The following VIL1 variants were observed in gnomAD, a reference collection of about 807,000 sequenced individuals.
VIL1 encodes villin 1.
VIL1 carries 86 observed loss-of-function variants against 104.0 expected under a neutral mutation model. That is an observed-to-expected ratio of 0.83 (90% CI 0.69 to 0.99). The LOEUF (loss-of-function observed/expected upper bound fraction) is 0.99. VIL1 is among the 50% of genes least tolerant of loss of function. The pLI is 0.00. For synonymous variants in VIL1, 394 were observed against 412.6 expected (o/e 0.95, Z 0.55); for missense variants, 944 against 1,054.1 (o/e 0.90, Z 1.45).
chr2:218,421,178 G>A (rs532593740), intron 1 of VIL1, among the ~76,000 whole-genome samples: 1 of 152,216 alleles, frequency 6.6e-6, no homozygotes, highest in Middle Eastern at 3.4e-3. Flanking sequence ...GCAGGCGTGG[G>A]GTGAGAGGCA....
chr2:218,430,969 C>T (rs774883851), intron 10 of VIL1, 91 bp downstream of exon 10: 13 of 1,493,360 alleles, frequency 8.7e-6, no homozygotes, highest in African/African-American at 1.4e-5. Context: ...CCTTCCCTGA[C>T]GTGCATCTTC....
In VIL1 at chr2:218,429,366, T is replaced by C. The variant is rs964419101; in HGVS notation, c.649T>C (p.Leu217=). ...AGGCGTGGTGGACGGAGAGAATGAA[T>C]TGGCATCCCCGAAGCTGATGGAGGT... ...YVGVVDGENE[L]ASPKLMEVMN... Residue 217 remains leucine, a synonymous_variant, in exon 7 of 20, where the codon TTG becomes CTG. Transcript: ENST00000248444. 1.2e-5 allele frequency: 19 copies of C among 1,613,940 alleles called. No individual in the cohort carries two copies. The Admixed American group carries it at 2.7e-4, about 23-fold the overall frequency.
Position 218,431,895 on chromosome 2 carries a change from C to T in VIL1, c.1141C>T (p.His381Tyr). 1 of 1,613,982 alleles carries T rather than the reference C, an allele frequency of 6.2e-7. No homozygotes were observed. The highest frequency in any genetic ancestry group is 8.5e-7 in the Non-Finnish European group (1 of 1,179,988). Residue 381 changes from histidine (H) to tyrosine (Y), a missense_variant, in exon 11 of 20, where the codon CAT (histidine) becomes TAT (tyrosine). Coordinates refer to ENST00000248444, the MANE Select transcript of VIL1 (RefSeq NM_007127.3). ...EQVKFDATSM[H>Y]VKPQVAAQQK... is the part of the protein sequence containing the mutation. ...GGTGAAGTTCGATGCCACATCCATG[C>T]ATGTCAAGCCTCAGGTGGCTGCCCA...
intron 13 of VIL1, among the ~76,000 whole-genome samples, chr2:218,433,157 C>A (rs763283826): frequency 6.6e-6 from 1 of 152,204 alleles, no homozygotes; most frequent in Admixed American, 6.5e-5. Flanking sequence ...GTAATTGGGC[C>A]GGGCATGGTG....
chr2:218,424,348 G>A lies in VIL1; in HGVS notation c.147G>A (p.Leu49=). 6.2e-7 allele frequency: 1 copy of A among 1,613,798 alleles called. No homozygotes were observed. The highest frequency in any genetic ancestry group is 8.5e-7 in the Non-Finnish European group (1 of 1,179,970). The change falls in exon 3 of 20, where the codon CTG becomes CTA. Residue 49 remains leucine, a synonymous_variant. Coordinates refer to ENST00000248444, the MANE Select transcript of VIL1 (RefSeq NM_007127.3). ...SFFDGDCYII[L]AIHKTASSLS... The stretch of plus-strand genomic sequence containing the variant: ...TCGATGGTGACTGCTACATCATCCT[G>A]GCTGTGAGTCAGGGGCAGGGGAGGG...
Position 218,434,654 on chromosome 2 carries a change from T to G in VIL1, c.1629T>G (p.Asn543Lys). ...VPARANFLNS[N>K]DVFVLKTQSC... ...CGCGGGCCAATTTCCTCAATTCCAA[T>G]GATGTCTTTGTCCTCAAGACCCAGT... The change falls in exon 14 of 20, where the codon AAT becomes AAG. Residue 543 changes from asparagine (N) to lysine (K), a missense_variant. Transcript: ENST00000248444. The G allele has an allele frequency of 6.2e-7, 1 of 1,614,158 alleles. No individual in the cohort carries two copies. The highest frequency in any genetic ancestry group is 8.5e-7 in the Non-Finnish European group (1 of 1,180,000).
Position 218,429,594 on chromosome 2 carries a change from C to T in VIL1, c.771-3C>T, listed in dbSNP as rs776679538. 9.3e-6 allele frequency: 15 copies of T among 1,614,142 alleles called. No individual in the cohort carries two copies. In the South Asian group the frequency reaches 1.4e-4, roughly 15 times the overall value. On this transcript the variant is annotated splice_polypyrimidine_tract_variant and splice_region_variant and intron_variant, in intron 7 of 19. Transcript: ENST00000248444. ...CCATCTATGCCTTGCTTCTGTCCTG[C>T]AGTGTGTCTGACTCCGAGGGGAATC...
chr2:218,426,459 G>T (rs559846483), intron 4 of VIL1, among the ~76,000 whole-genome samples: 3 of 151,694 alleles, frequency 2.0e-5, no homozygotes, highest in South Asian at 2.1e-4. Context: ...TTCACCACGG[G>T]CAGGCTGATC....
At chr2:218,424,698 C>T (rs1688950439) in intron 3 of VIL1, among the ~76,000 whole-genome samples, 2 of 152,150 alleles carry the variant, frequency 1.3e-5, no homozygotes, top group South Asian at 4.1e-4. Flanking sequence ...ACTCTGTCAC[C>T]CAGGCTGGAG....
In VIL1 at chr2:218,428,218, G is replaced by T. The variant is rs1293204629; in HGVS notation, c.457-9G>T. On this transcript the variant is annotated splice_polypyrimidine_tract_variant and intron_variant, in intron 5 of 19. Coordinates refer to ENST00000248444, the MANE Select transcript of VIL1 (RefSeq NM_007127.3). ...GAGTGGGGTCTGTGCCTCCCCTGTG[G>T]CTCCCTAGGTAGAGATGTCCTGGAA... 1.9e-6 allele frequency: 3 copies of T among 1,613,658 alleles called. No homozygotes were observed. Among genetic ancestry groups the T allele is most frequent in the Non-Finnish European group, 1.7e-6 (2 of 1,179,618 alleles).
At chr2:218,436,976 A>G in intron 16 of VIL1, 148 bp from the exon 17 acceptor site, 1 of 934,280 alleles carries the variant, frequency 1.1e-6, no homozygotes, top group East Asian at 2.5e-5. Context: ...TACAAATTCA[A>G]GGCCAGATGA....
At chr2:218,432,741 T>C in intron 12 of VIL1, 52 bp from the exon 13 acceptor site, 2 of 1,606,790 alleles carry the variant, frequency 1.2e-6, no homozygotes, top group East Asian at 2.2e-5. Flanking sequence ...GAGGATGGGG[T>C]CAGAATTGGG....
chr2:218,443,799 C>T (rs901991465), intron 19 of VIL1, among the ~76,000 whole-genome samples: 4 of 151,912 alleles, frequency 2.6e-5, no homozygotes, highest in East Asian at 3.9e-4. Context: ...GGACTACAGG[C>T]GCACACCATC....
intron 18 of VIL1, among the ~76,000 whole-genome samples, chr2:218,439,882 G>A (rs1219369364): frequency 6.6e-6 from 1 of 151,266 alleles, no homozygotes; most frequent in Non-Finnish European, 1.5e-5. Context: ...CTTTAGGCCT[G>A]GGACACGGGA....
chr2:218,446,057 A>C (rs1022715430), intron 19 of VIL1, among the ~76,000 whole-genome samples: 39 of 152,316 alleles, frequency 2.6e-4, no homozygotes, highest in African/African-American at 7.7e-4. Context: ...AAAGCTAGGC[A>C]AAATTTAGTT....
At chr2:218,434,728 TC>T (rs780260031) in intron 14 of VIL1, 23 bp downstream of exon 14, 22 of 1,585,900 alleles carry the variant, frequency 1.4e-5, no homozygotes, top group Non-Finnish European at 1.8e-5. Flanking sequence ...TCTAGAGGCC[TC>T]CCCATCCGCA....
At chr2:218,432,417 C>A in intron 12 of VIL1, 1 of 748,962 alleles carries the variant, frequency 1.3e-6, no homozygotes, top group Non-Finnish European at 2.3e-6. Flanking sequence ...ACATTCTTGT[C>A]ACCTGCTCTG....
At chr2:218,438,033 A>T (rs1434480971) in intron 17 of VIL1, among the ~76,000 whole-genome samples, 5 of 152,178 alleles carry the variant, frequency 3.3e-5, no homozygotes, top group African/African-American at 1.2e-4. Context: ...TTGTTTTTTT[A>T]AATTCTGCAG....
intron 19 of VIL1, 125 bp downstream of exon 19, chr2:218,440,987 C>T (rs1022823905): frequency 2.7e-6 from 3 of 1,116,226 alleles, no homozygotes; most frequent in South Asian, 1.6e-5. Flanking sequence ...ATCCTGCCTT[C>T]ATGCCACCTT....
Sources: allele counts gnomAD v4.1 joint callset (sites outside exome capture counted in the v4.1 genomes callset), GRCh38; gene constraint gnomAD v4.1.1; transcripts MANE v1.5; gene names NCBI Gene and HGNC (gene_info 2026-07-23, HGNC 2026-07-21).